PODXL: variants seen among roughly 807,000 people sequenced by gnomAD.
The protein encoded by PODXL is podocalyxin like, also known as podocalyxin.
Under a neutral mutation model 48.9 loss-of-function variants are expected in PODXL, and 20 were observed. That is an observed-to-expected ratio of 0.41 (90% CI 0.29 to 0.59). The LOEUF (loss-of-function observed/expected upper bound fraction) is 0.59, where lower values mean the gene tolerates loss of function less well. Among genes scored for constraint, PODXL ranks in the 20% least tolerant of loss-of-function variants. PODXL has a pLI of 0.31. For synonymous variants in PODXL, 295 were observed against 287.4 expected, an observed-to-expected ratio of 1.03 and a Z score of -0.27; for missense variants, 606 against 675.1, an observed-to-expected ratio of 0.90 and a Z score of 1.13.
At chr7:131,554,340 C>T (rs889692579) in intron 1 of PODXL, among the ~76,000 whole-genome samples, 2 of 152,184 alleles carry the variant, frequency 1.3e-5, no homozygotes, top group African/African-American at 4.8e-5. Flanking sequence ...CTCCCCATCC[C>T]CCACTTAGCA....
intron 8 of PODXL, 28 bp from the exon 9 acceptor site, chr7:131,504,536 A>G: frequency 1.2e-6 from 2 of 1,600,578 alleles, no homozygotes; most frequent in Non-Finnish European, 1.7e-6. Context: ...ACCGGTGAGA[A>G]GGGGGTTTCA....
In PODXL at chr7:131,556,271, GGCGAC is replaced by G; in HGVS notation, c.84_88del (p.Ser29LeufsTer13). On this transcript the variant is annotated frameshift_variant, in exon 1 of 9. Transcript: ENST00000378555. LOFTEE classifies it high-confidence loss of function. ...GGCCGGCCACTCACCATTCTGGGAGGGCGACGGCGACGGCGACGGCGACGACGGCA... is the reference window on the plus strand; with the variant it reads ...GGCCGGCCACTCACCATTCTGGGAGGGGCGACGGCGACGGCGACGACGGCA... 1.4e-6 allele frequency: 1 copy of G among 738,528 alleles called. No individual in the cohort carries two copies. Among genetic ancestry groups the G allele is most frequent in the African/African-American group, 1.2e-4 (1 of 8,466 alleles). The allele number at this position is 738,528 out of a possible 1,614,324, so 45.7% of individuals were successfully genotyped here.
At chr7:131,532,939 T>C (rs1409577570) in intron 1 of PODXL, among the ~76,000 whole-genome samples, 4 of 152,114 alleles carry the variant, frequency 2.6e-5, no homozygotes, top group African/African-American at 9.7e-5. Context: ...GGAACCCTGA[T>C]CTGCGACTTT....
rs117147821 is a variant in PODXL, at chr7:131,554,895, G to A, written c.100+1365C>T. On this transcript the variant is annotated intron_variant, in intron 1 of 8. Coordinates refer to ENST00000378555, the MANE Select transcript of PODXL (RefSeq NM_001018111.3). ...TCGTGTCATCTCAACCCTGCATGTC[G>A]TGTGGCTCTTCAGTGATTGCCACTC... 1.7e-3 allele frequency among the ~76,000 whole-genome samples: 256 copies of A among 152,280 alleles called. 3 individuals carry two copies. In the East Asian group the frequency reaches 0.034, roughly 20 times the overall value.
intron 1 of PODXL, among the ~76,000 whole-genome samples, chr7:131,521,337 A>AT (rs71174956): frequency 0.33 from 48,370 of 146,340 alleles, 10,318 homozygotes; most frequent in African/African-American, 0.61. Flanking sequence ...ATTAAGGTCA[A>AT]TTTTTTTTTT....
In PODXL at chr7:131,501,104, TAAAAA is replaced by T. The variant is rs555458398; in HGVS notation, c.*3202_*3206del. 1 of 152,354 alleles carries T rather than the reference TAAAAA, an allele frequency of 6.6e-6. No individual in the cohort carries two copies. Among genetic ancestry groups the T allele is most frequent in the African/African-American group, 2.4e-5 (1 of 41,370 alleles). The allele number at this position is 152,354 out of a possible 1,614,324, so 9.4% of individuals were successfully genotyped here. A position where few individuals can be genotyped will look rare whatever the true frequency, so the allele number is the denominator to read the frequency against. On this transcript the variant is annotated 3_prime_UTR_variant, in exon 9 of 9. Transcript: ENST00000378555. ...AGGGGGCAGGGTTGCATTTTAAAAT[TAAAAA>T]AACAAAACAAAACACCTGATCTACA...
chr7:131,530,874 C>G (rs1033375025), intron 1 of PODXL, among the ~76,000 whole-genome samples: 2 of 151,734 alleles, frequency 1.3e-5, no homozygotes, highest in Non-Finnish European at 2.9e-5. Context: ...GCCTGACCAA[C>G]ATGGAGAAAC....
At chr7:131,517,294 G>A (rs1017373713) in intron 1 of PODXL, among the ~76,000 whole-genome samples, 1 of 152,142 alleles carries the variant, frequency 6.6e-6, no homozygotes, top group Non-Finnish European at 1.5e-5. Flanking sequence ...CGTAGTGATC[G>A]CAATGGTCTA....
At chr7:131,508,858 A>T in intron 5 of PODXL, 93 bp downstream of exon 5, 2 of 938,550 alleles carry the variant, frequency 2.1e-6, no homozygotes, top group Non-Finnish European at 3.5e-6. Context: ...AAAGATGTTT[A>T]AAAATGCACC....
intron 1 of PODXL, among the ~76,000 whole-genome samples, chr7:131,526,276 GA>G (rs1250541555): frequency 2.6e-5 from 4 of 152,122 alleles, no homozygotes; most frequent in Admixed American, 1.3e-4. Flanking sequence ...GGGTCAACAG[GA>G]AAGAGCTCAT....
intron 1 of PODXL, among the ~76,000 whole-genome samples, chr7:131,523,690 AAAAAAAAAAAAACAAG>A (rs1798126130): frequency 1.4e-5 from 2 of 147,234 alleles, no homozygotes; most frequent in Admixed American, 6.7e-5. Context: ...AAAAAAAAAA[AAAAAAAAAAAAACAAG>A]AAAAGAAAAA....
intron 1 of PODXL, among the ~76,000 whole-genome samples, chr7:131,514,852 T>C (rs1797967578): frequency 6.6e-6 from 1 of 152,058 alleles, no homozygotes; most frequent in South Asian, 2.1e-4. Context: ...CAAGTGATCC[T>C]CCAGCCTCGG....
intron 1 of PODXL, among the ~76,000 whole-genome samples, chr7:131,541,685 A>C (rs1456890475): frequency 2.1e-4 from 32 of 152,156 alleles, no homozygotes; most frequent in Admixed American, 9.8e-4. Context: ...AAAAAAAAAA[A>C]AAAGACAAAC....
intron 1 of PODXL, among the ~76,000 whole-genome samples, chr7:131,553,618 G>C (rs1409545722): frequency 1.3e-5 from 2 of 152,180 alleles, no homozygotes; most frequent in Non-Finnish European, 2.9e-5. Flanking sequence ...TGAGGTTCAG[G>C]GAGGTCCACT....
intron 5 of PODXL, 124 bp from the exon 6 acceptor site, chr7:131,506,850 A>T (rs11770771): frequency 1.5e-5 from 15 of 1,031,370 alleles, no homozygotes; most frequent in Non-Finnish European, 7.2e-6. Context: ...CTCCCTCTCT[A>T]GCCCCAGCTG....
At chr7:131,545,465 T>A (rs1798560178) in intron 1 of PODXL, among the ~76,000 whole-genome samples, 1 of 152,222 alleles carries the variant, frequency 6.6e-6, no homozygotes, top group Non-Finnish European at 1.5e-5. Context: ...GGATAACCTG[T>A]TTATACTGGG....
chr7:131,509,718 C>T, intron 3 of PODXL, 133 bp from the exon 4 acceptor site: 1 of 565,960 alleles, frequency 1.8e-6, no homozygotes, highest in Non-Finnish European at 3.0e-6. Flanking sequence ...GAAGTGGACT[C>T]CTATGACAAG....
intron 1 of PODXL, among the ~76,000 whole-genome samples, chr7:131,536,637 G>A (rs930655624): frequency 6.6e-6 from 1 of 152,128 alleles, no homozygotes; most frequent in Non-Finnish European, 1.5e-5. Context: ...TCTCCCTGCT[G>A]GTTCCTGTCC....
chr7:131,507,636 C>A (rs570374864), intron 5 of PODXL, among the ~76,000 whole-genome samples: 1 of 151,698 alleles, frequency 6.6e-6, no homozygotes, highest in South Asian at 2.1e-4. Context: ...AGGAAGGGAT[C>A]CAGGGTTTTC....
Sources: allele counts gnomAD v4.1 joint callset (sites outside exome capture counted in the v4.1 genomes callset), GRCh38; gene constraint gnomAD v4.1.1; transcripts MANE v1.5; gene names NCBI Gene and HGNC (gene_info 2026-07-23, HGNC 2026-07-21).